IGDCC4: variants seen among roughly 807,000 people sequenced by gnomAD.
IGDCC4 encodes the protein immunoglobulin superfamily DCC subclass member 4, also known as likely ortholog of mouse neighbor of Punc E11.
A neutral mutation model predicts 116.6 loss-of-function variants in IGDCC4; 72 were observed. The observed-to-expected ratio is 0.62, with a 90% CI of 0.51 to 0.75. The LOEUF (loss-of-function observed/expected upper bound fraction) is 0.75. Ranked by LOEUF, IGDCC4 falls within the 30% of genes least tolerant of loss-of-function variation. The pLI, the probability that IGDCC4 is intolerant of heterozygous loss-of-function variation, is 0.00. For missense variants in IGDCC4, 1,501 were observed against 1,662.4 expected (o/e 0.90, Z 1.69); for synonymous variants, 709 against 719.9 (o/e 0.98, Z 0.24).
At chr15:65,402,615 TC>T in intron 3 of IGDCC4, 128 bp from the exon 4 acceptor site, 1 of 1,249,736 alleles carries the variant, frequency 8.0e-7, no homozygotes, top group Non-Finnish European at 1.1e-6. Context: ...ACGCCTATAA[TC>T]CCAGCACTTT....
At chr15:65,420,802 C>G (rs760688682) in intron 1 of IGDCC4, among the ~76,000 whole-genome samples, 2 of 152,222 alleles carry the variant, frequency 1.3e-5, no homozygotes, top group African/African-American at 4.8e-5. Context: ...CTACTCATCA[C>G]TTTCTTCAGG....
chr15:65,422,922 G>T lies in IGDCC4; in HGVS notation c.-60C>A, dbSNP rs923093259. 172 of 968,648 alleles carry T rather than the reference G, an allele frequency of 1.8e-4. 1 individual carries two copies. The South Asian group carries it at 6.9e-3, about 39-fold the overall frequency. 60.0% of individuals were successfully genotyped at this position (968,648 alleles called of 1,614,324 possible). Reference sequence around the variant, plus strand: ...CTCCCCGTGCTTCGGCCGCCGCCGCGGGGGGAGAGCGCGCCGGGCGTCAGT... The same window carrying T: ...CTCCCCGTGCTTCGGCCGCCGCCGCTGGGGGAGAGCGCGCCGGGCGTCAGT... On this transcript the variant is annotated 5_prime_UTR_variant, in exon 1 of 20. Transcript: ENST00000352385.
intron 1 of IGDCC4, among the ~76,000 whole-genome samples, chr15:65,414,113 C>T (rs2063122334): frequency 6.6e-6 from 1 of 152,216 alleles, no homozygotes; most frequent in Admixed American, 6.5e-5. Context: ...TTTAGAAGCC[C>T]TGTGAGTCTC....
intron 1 of IGDCC4, among the ~76,000 whole-genome samples, chr15:65,417,434 C>G (rs1197993032): frequency 6.6e-6 from 1 of 152,230 alleles, no homozygotes. Flanking sequence ...CCTCCACACA[C>G]AGCAAACCAT....
rs558201169 is a variant in IGDCC4, at chr15:65,398,759, C to T, written c.842-1770G>A. On this transcript the variant is annotated intron_variant, in intron 5 of 19. Coordinates refer to ENST00000352385, the MANE Select transcript of IGDCC4 (RefSeq NM_020962.3). ...ACAAACCATTAGCCAGGCGTGGTGG[C>T]GGGTGCCTGTAGTCCCAGCTACTTG... Among the ~76,000 whole-genome samples the T allele has an allele frequency of 6.8e-4, 103 of 151,618 alleles. 1 individual carries two copies. The highest frequency in any genetic ancestry group is 2.2e-3 in the African/African-American group (91 of 41,312).
Position 65,388,801 on chromosome 15 carries a change from C to T in IGDCC4, c.2707+7G>A. The stretch of plus-strand genomic sequence containing the variant: ...TTGAGCAGATGCCCTGGGGCAGGAG[C>T]CCTCACCCTGCGTGGTGAGCAAGGT... On this transcript the variant is annotated splice_region_variant and intron_variant, in intron 15 of 19. Transcript: ENST00000352385. The T allele has an allele frequency of 1.9e-6, 3 of 1,613,804 alleles. No homozygotes were observed. The highest frequency in any genetic ancestry group is 2.5e-6 in the Non-Finnish European group (3 of 1,179,950).
In IGDCC4 at chr15:65,419,403, C is replaced by A. The variant is rs376904100; in HGVS notation, c.70+3390G>T. ...CTCTCAGTGCTGACATTCAATGATG[C>A]GCTAATTGTGAAATTGCTTCACTTG... is the stretch of plus-strand genomic sequence containing the variant. On this transcript the variant is annotated intron_variant, in intron 1 of 19. Transcript: ENST00000352385. Among the ~76,000 whole-genome samples the A allele has an allele frequency of 2.0e-5, 3 of 152,012 alleles. No individual in the cohort carries two copies. In the East Asian group the frequency reaches 5.8e-4, roughly 29 times the overall value.
chr15:65,402,696 C>T (rs568883257), intron 3 of IGDCC4, among the ~76,000 whole-genome samples: 3 of 152,222 alleles, frequency 2.0e-5, no homozygotes, highest in African/African-American at 7.2e-5. Context: ...GGAGAAACCC[C>T]GTCTCTACTA....
At chr15:65,410,420 A>G in intron 2 of IGDCC4, 101 bp from the exon 3 acceptor site, 1 of 1,403,130 alleles carries the variant, frequency 7.1e-7, no homozygotes, top group Non-Finnish European at 9.9e-7. Flanking sequence ...ACACAGAAAC[A>G]CACAGTCACA....
At position 65,381,723 on chromosome 15, in the gene IGDCC4, G is replaced by A. The variant is rs1376460310; in HGVS notation, c.*2286C>T. The A allele has an allele frequency of 6.6e-6, 1 of 152,340 alleles. No homozygotes were observed. Among genetic ancestry groups the A allele is most frequent in the Non-Finnish European group, 1.5e-5 (1 of 68,036 alleles). The allele number at this position is 152,340 out of a possible 1,614,324, so 9.4% of individuals were successfully genotyped here. On this transcript the variant is annotated 3_prime_UTR_variant, in exon 20 of 20. Transcript: ENST00000352385. ...CAGAAAACTTAAGGCATCAATGGTAGGTGACAAAGGGATTAATACCCTGTA... is the reference window on the plus strand; with the variant it reads ...CAGAAAACTTAAGGCATCAATGGTAAGTGACAAAGGGATTAATACCCTGTA...
chr15:65,410,905 A>AG (rs971901388), intron 2 of IGDCC4, 115 bp downstream of exon 2: 5 of 762,266 alleles, frequency 6.6e-6, no homozygotes, highest in Non-Finnish European at 1.0e-5. Context: ...AGGCAGGGAA[A>AG]GGGGGAGTGG....
At chr15:65,385,655 G>A in intron 18 of IGDCC4, 176 bp downstream of exon 18, 2 of 689,154 alleles carry the variant, frequency 2.9e-6, no homozygotes, top group East Asian at 5.4e-5. Context: ...CCGGGATATG[G>A]AGGCCCATGT....
intron 15 of IGDCC4, 45 bp from the exon 16 acceptor site, chr15:65,388,631 G>A (rs1198176524): frequency 2.5e-6 from 4 of 1,612,402 alleles, no homozygotes; most frequent in Admixed American, 1.7e-5. Flanking sequence ...TGGATGGGGT[G>A]GGTGGATGCA....
intron 1 of IGDCC4, 47 bp downstream of exon 1, chr15:65,422,746 A>ACCAGCACTCCGCAGTCGCT: frequency 7.6e-7 from 1 of 1,309,698 alleles, no homozygotes; most frequent in Non-Finnish European, 9.8e-7. Context: ...GCGCGGGCGC[A>ACCAGCACTCCGCAGTCGCT]CCAGCACTCC....
Position 65,390,038 on chromosome 15 carries a change from A to T in IGDCC4, c.2408+117T>A, listed in dbSNP as rs560104723. 8 of 913,496 alleles carry T rather than the reference A, an allele frequency of 8.8e-6. No homozygotes were observed. The Admixed American group carries it at 9.2e-5, about 10-fold the overall frequency. 56.6% of individuals were successfully genotyped at this position (913,496 alleles called of 1,614,324 possible). On this transcript the variant is annotated intron_variant, in intron 13 of 19. Coordinates refer to ENST00000352385, the MANE Select transcript of IGDCC4 (RefSeq NM_020962.3). ...GTGGCCTCAGCGTAACAGGTGAGCC[A>T]TGACATGTTCCTGAATCCCAGGGGC...
intron 1 of IGDCC4, among the ~76,000 whole-genome samples, chr15:65,417,903 T>C (rs970951554): frequency 7.9e-5 from 12 of 152,282 alleles, no homozygotes; most frequent in African/African-American, 2.9e-4. Flanking sequence ...GCCTTCACTC[T>C]AGGTTTTTGA....
Position 65,395,994 on chromosome 15 carries a change from G to A in IGDCC4, c.1167C>T (p.Ser389=), listed in dbSNP as rs1309397036. ...GCAGGCCGATCTGTGTGATGACCAG[G>A]CTGCCACCGCCGCCCTGGACCTTGA... ...GRVKVQGGGG[S]LVITQIGLQD... The change falls in exon 7 of 20, where the codon AGC becomes AGT. Residue 389 remains serine (S), a synonymous_variant. Transcript: ENST00000352385. 5.8e-6 allele frequency: 9 copies of A among 1,552,638 alleles called. No homozygotes were observed. Among genetic ancestry groups the A allele is most frequent in the African/African-American group, 1.4e-5 (1 of 71,342 alleles).
At position 65,393,336 on chromosome 15, in the gene IGDCC4, T is replaced by A. The variant is rs377602724; in HGVS notation, c.1885+25A>T. On this transcript the variant is annotated intron_variant, in intron 10 of 19. Transcript: ENST00000352385. The surrounding 1 kb of genome is among the most constrained non-coding windows in gnomAD (Gnocchi z 4.6). Reference sequence around the variant, plus strand: ...CACCCACACAGTCACACACACACTGTCCTGTCTCTCCTCTAACCCCGTACC... The same window carrying A: ...CACCCACACAGTCACACACACACTGACCTGTCTCTCCTCTAACCCCGTACC... 1.9e-6 allele frequency: 3 copies of A among 1,590,010 alleles called. No homozygotes were observed. Among genetic ancestry groups the A allele is most frequent in the Non-Finnish European group, 2.6e-6 (3 of 1,166,390 alleles).
At chr15:65,385,567 G>A in intron 18 of IGDCC4, 1 of 588,704 alleles carries the variant, frequency 1.7e-6, no homozygotes, top group South Asian at 2.0e-5. Flanking sequence ...GGATGAGGAG[G>A]GAGCTGGGTG....
Sources: gnomAD v4.1 joint callset for allele counts (sites outside exome capture counted in the v4.1 genomes callset) on GRCh38, gnomAD v4.1.1 for gene constraint, Gnocchi (gnomAD v3.1) non-coding constraint, MANE v1.5 for transcripts, NCBI Gene and HGNC (gene_info 2026-07-23, HGNC 2026-07-21) for gene names.